DPYD: variants seen among roughly 807,000 people sequenced by gnomAD.
DPYD encodes dihydropyrimidine dehydrogenase [NADP(+)].
In DPYD, 109 loss-of-function variants were observed where a neutral mutation model predicts 116.2. The ratio of observed to expected loss-of-function variants is 0.94; its 90% CI spans 0.80 to 1.10. The LOEUF (loss-of-function observed/expected upper bound fraction) is 1.10. Ranked by LOEUF, DPYD falls within the 50% of genes least tolerant of loss-of-function variation. The pLI, the probability that DPYD is intolerant of heterozygous loss-of-function variation, is 0.00. For missense variants in DPYD, 1,302 were observed against 1,254.5 expected (o/e 1.04, Z -0.57); for synonymous variants, 440 against 432.0 (o/e 1.02, Z -0.23).
chr1:97,227,110 A>G (rs1216794769), intron 19 of DPYD, among the ~76,000 whole-genome samples: 1 of 151,990 alleles, frequency 6.6e-6, no homozygotes, highest in Non-Finnish European at 1.5e-5. Flanking sequence ...GTGGATCACA[A>G]GGTCAGAAGA....
At chr1:97,678,734 T>C (rs1261708871) in intron 8 of DPYD, among the ~76,000 whole-genome samples, 1 of 152,210 alleles carries the variant, frequency 6.6e-6, no homozygotes, top group Non-Finnish European at 1.5e-5. Flanking sequence ...CCATCCTTTA[T>C]GATCACTTTA....
intron 14 of DPYD, among the ~76,000 whole-genome samples, chr1:97,411,033 C>T (rs1023144692): frequency 1.9e-4 from 29 of 152,134 alleles, no homozygotes; most frequent in Admixed American, 1.4e-3. Flanking sequence ...AAAGAATGGA[C>T]GGTGGGGTCA....
intron 13 of DPYD, among the ~76,000 whole-genome samples, chr1:97,487,440 A>G (rs373253602): frequency 1.8e-4 from 27 of 152,170 alleles, no homozygotes; most frequent in South Asian, 6.2e-4. Context: ...TTGGGAGGCC[A>G]AGGCGGGCGG....
intron 8 of DPYD, among the ~76,000 whole-genome samples, chr1:97,646,470 T>C (rs895684701): frequency 6.6e-6 from 1 of 152,072 alleles, no homozygotes; most frequent in Admixed American, 6.6e-5. Context: ...TCAACTCACT[T>C]TCTATTTCCT....
intron 20 of DPYD, among the ~76,000 whole-genome samples, chr1:97,136,245 A>G (rs1168418249): frequency 2.0e-5 from 3 of 152,226 alleles, no homozygotes; most frequent in Non-Finnish European, 4.4e-5. Context: ...AGCTTTAAAA[A>G]TGCTAGGAAT....
intron 5 of DPYD, among the ~76,000 whole-genome samples, chr1:97,721,184 T>A (rs1300527587): frequency 6.6e-6 from 1 of 151,752 alleles, no homozygotes; most frequent in Non-Finnish European, 1.5e-5. Context: ...CAGAAGATAG[T>A]CTTTTCATAA....
intron 3 of DPYD, among the ~76,000 whole-genome samples, chr1:97,742,402 A>C (rs1172478976): frequency 2.0e-5 from 3 of 152,020 alleles, no homozygotes; most frequent in Non-Finnish European, 4.4e-5. Flanking sequence ...CTTCTCTCTA[A>C]ATTAAATTTT....
chr1:97,758,528 T>C (rs1665389555), intron 3 of DPYD, among the ~76,000 whole-genome samples: 1 of 152,250 alleles, frequency 6.6e-6, no homozygotes, highest in Admixed American at 6.5e-5. Flanking sequence ...AGAATGTGAA[T>C]AACTTGAATG....
chr1:97,705,546 G>C (rs1336068379), intron 5 of DPYD, among the ~76,000 whole-genome samples: 1 of 151,826 alleles, frequency 6.6e-6, no homozygotes, highest in South Asian at 2.1e-4. Flanking sequence ...TTGGACATTT[G>C]GGTTGGTTCC....
intron 16 of DPYD, among the ~76,000 whole-genome samples, chr1:97,311,669 T>G (rs1667528246): frequency 6.6e-6 from 1 of 151,734 alleles, no homozygotes; most frequent in Non-Finnish European, 1.5e-5. Flanking sequence ...TAGCACTGTT[T>G]GAAATAGCCC....
chr1:97,328,126 T>G (rs1033911099), intron 16 of DPYD, among the ~76,000 whole-genome samples: 11 of 152,054 alleles, frequency 7.2e-5, no homozygotes, highest in African/African-American at 2.7e-4. Context: ...GAGAGTAGAG[T>G]ATACAGGGCT....
At chr1:97,228,020 G>T (rs1399870605) in intron 19 of DPYD, among the ~76,000 whole-genome samples, 1 of 151,498 alleles carries the variant, frequency 6.6e-6, no homozygotes, top group Non-Finnish European at 1.5e-5. Flanking sequence ...TTACAATGAA[G>T]TCTGTTTTTT....
At chr1:97,917,800 GATAT>G (rs1674292446) in intron 1 of DPYD, among the ~76,000 whole-genome samples, 1 of 152,158 alleles carries the variant, frequency 6.6e-6, no homozygotes, top group African/African-American at 2.4e-5. Flanking sequence ...ATTTCGTTTA[GATAT>G]ATATACTTTC....
At chr1:97,592,881 G>C (rs977751283) in intron 10 of DPYD, among the ~76,000 whole-genome samples, 3 of 152,136 alleles carry the variant, frequency 2.0e-5, no homozygotes, top group African/African-American at 7.2e-5. Context: ...CTTCTAATAT[G>C]CATACATTTT....
chr1:97,699,538 C>T lies in DPYD; in HGVS notation c.493G>A (p.Ala165Thr). The change falls in exon 6 of 23, where the codon GCA (alanine) becomes ACA (threonine). Residue 165 changes from alanine to threonine, a missense_variant. Physicochemically the swap from Ala to Thr is moderately conservative, Grantham distance 58 (BLOSUM62 0). Transcript: ENST00000370192. The stretch of plus-strand genomic sequence containing the variant: ...TTTCTGATCTGTGGGATACTCATTG[C>T]TTTGAATACCTACGGGGAAATCAAT... The part of the protein sequence containing the change: ...LQQFATEVFK[A>T]MSIPQIRNPS... 1 of 1,613,394 alleles carries T rather than the reference C, an allele frequency of 6.2e-7. No homozygotes were observed. The highest frequency in any genetic ancestry group is 8.5e-7 in the Non-Finnish European group (1 of 1,179,480).
chr1:97,918,817 A>G (rs1334060926), intron 1 of DPYD, among the ~76,000 whole-genome samples: 1 of 152,174 alleles, frequency 6.6e-6, no homozygotes, highest in Non-Finnish European at 1.5e-5. Flanking sequence ...TGTTCTTATC[A>G]CATTCATTAA....
chr1:97,656,543 T>C (rs1658913179), intron 8 of DPYD, among the ~76,000 whole-genome samples: 2 of 152,162 alleles, frequency 1.3e-5, no homozygotes, highest in Non-Finnish European at 2.9e-5. Context: ...TTAGCTTTCT[T>C]GGGTCTGCTA....
chr1:97,357,511 G>T (rs1405915843), intron 16 of DPYD, among the ~76,000 whole-genome samples: 3 of 152,006 alleles, frequency 2.0e-5, no homozygotes, highest in African/African-American at 7.2e-5. Flanking sequence ...GCTCTTGCTT[G>T]ATTGGTCTGG....
At chr1:97,235,802 T>G (rs1282735509) in intron 18 of DPYD, among the ~76,000 whole-genome samples, 1 of 152,208 alleles carries the variant, frequency 6.6e-6, no homozygotes, top group Non-Finnish European at 1.5e-5. Flanking sequence ...GATTCCATGT[T>G]GCTTTTTATA....
Sources: gnomAD v4.1 joint callset for allele counts (sites outside exome capture counted in the v4.1 genomes callset) on GRCh38, gnomAD v4.1.1 for gene constraint, MANE v1.5 for transcripts, NCBI Gene and HGNC (gene_info 2026-07-23, HGNC 2026-07-21) for gene names.